Variants in IRF6 observed in about 807,000 individuals in gnomAD.
The protein encoded by IRF6 is Van der Woude syndrome.
IRF6 carries 6 observed loss-of-function variants against 51.4 expected under a neutral mutation model. The observed-to-expected ratio is 0.12, with a 90% confidence interval of 0.06 to 0.23. The LOEUF (loss-of-function observed/expected upper bound fraction) is 0.23. Ranked by LOEUF, IRF6 falls within the 10% of genes least tolerant of loss-of-function variation. The pLI is 1.00. For synonymous variants in IRF6, 178 were observed against 215.7 expected, an observed-to-expected ratio of 0.83 and a Z score of 1.53; for missense variants, 348 against 585.2, an observed-to-expected ratio of 0.59 and a Z score of 4.18.
Position 209,789,797 on chromosome 1 carries a change from G to A in IRF6, c.1061-12C>T, listed in dbSNP as rs2077858155. On this transcript the variant is annotated splice_polypyrimidine_tract_variant and intron_variant, in intron 7 of 8. Transcript: ENST00000367021. ...GTGGGCAATGAGATCTGCAGAAAGT[G>A]GAAGAGCAAGTTTGGTATACTGGGT... 1 of 1,584,862 alleles carries A rather than the reference G, an allele frequency of 6.3e-7. No individual in the cohort carries two copies. Among genetic ancestry groups the A allele is most frequent in the Middle Eastern group, 1.7e-4 (1 of 6,006 alleles).
In IRF6 at chr1:209,796,634, AACACACACACACACACACAC is replaced by A. The variant is rs3028134; in HGVS notation, c.175-102_175-83del. The A allele has an allele frequency of 1.7e-5, 10 of 586,772 alleles. No individual in the cohort carries two copies. The highest frequency in any genetic ancestry group is 1.3e-4 in the South Asian group (7 of 54,098). 36.3% of individuals were successfully genotyped at this position (586,772 alleles called of 1,614,324 possible). A position where few individuals can be genotyped will look rare whatever the true frequency, so the allele number is the denominator to read the frequency against. On this transcript the variant is annotated intron_variant, in intron 3 of 8. Coordinates refer to ENST00000367021, the MANE Select transcript of IRF6 (RefSeq NM_006147.4). The surrounding 1 kb of genome is among the most constrained non-coding windows in gnomAD (Gnocchi z 4.5). ...GTGCTTACCCTTTCTCATAGACACA[AACACACACACACACACACAC>A]ACACACACACACACACACACACAAC...
rs993784559 is a variant in IRF6 at position 209,794,913 on chromosome 1, C to A, written c.508+377G>T. 2.6e-5 allele frequency among the ~76,000 whole-genome samples: 4 copies of A among 152,154 alleles called. No individual in the cohort carries two copies. In the East Asian group the frequency reaches 7.7e-4, roughly 29 times the overall value. On this transcript the variant is annotated intron_variant, in intron 5 of 8. Transcript: ENST00000367021. ...GAAGGAAGTGACACAGAATTTATAC[C>A]AAGGGAAATATTAGAAGAGTTTGCC... is the stretch of plus-strand genomic sequence containing the variant.
intron 3 of IRF6, among the ~76,000 whole-genome samples, chr1:209,798,432 G>A (rs1355417218): frequency 6.6e-6 from 1 of 152,192 alleles, no homozygotes; most frequent in Non-Finnish European, 1.5e-5. Context: ...CTTTGGCAGA[G>A]CTCTGCACAT....
intron 6 of IRF6, among the ~76,000 whole-genome samples, chr1:209,791,782 G>A (rs766459137): frequency 1.3e-5 from 2 of 151,704 alleles, no homozygotes; most frequent in Non-Finnish European, 2.9e-5. Context: ...GTCAGCCAAT[G>A]TTTTTGTTGT....
chr1:209,805,540 C>T (rs1042298031), intron 1 of IRF6, among the ~76,000 whole-genome samples: 6 of 152,208 alleles, frequency 3.9e-5, no homozygotes, highest in Non-Finnish European at 8.8e-5. Flanking sequence ...TCCAGTTTCC[C>T]AAAACGCCCA....
chr1:209,801,156 G>A, intron 3 of IRF6, 84 bp downstream of exon 3: 1 of 1,181,324 alleles, frequency 8.5e-7, no homozygotes. Context: ...TTTCACCAGA[G>A]TTTTAGATCT....
In IRF6 at chr1:209,790,435, T is replaced by C; in HGVS notation, c.1060+60A>G. ...GCAGGAAGGTGAAAGACAGGGATAGTGGAAGGAATGTACTTCCAGAGAGTG... is the reference window on the plus strand; with the variant it reads ...GCAGGAAGGTGAAAGACAGGGATAGCGGAAGGAATGTACTTCCAGAGAGTG... On this transcript the variant is annotated intron_variant, in intron 7 of 8. Coordinates refer to ENST00000367021, the MANE Select transcript of IRF6 (RefSeq NM_006147.4). This position sits in a 1 kb window ranked among gnomAD's most constrained non-coding sequence, Gnocchi z 4.8. The C allele has an allele frequency of 1.3e-6, 2 of 1,570,298 alleles. No individual in the cohort carries two copies. Among genetic ancestry groups the C allele is most frequent in the African/African-American group, 1.3e-5 (1 of 74,118 alleles).
intron 5 of IRF6, 104 bp downstream of exon 5, chr1:209,795,186 T>C: frequency 1.5e-6 from 2 of 1,329,026 alleles, no homozygotes; most frequent in Non-Finnish European, 2.2e-6. Context: ...CTGCAGGGAC[T>C]GATCCTGCTT....
Position 209,796,263 on chromosome 1 carries a change from G to T in IRF6, c.379+85C>A. ...ATCCATCTTAAACTGTGTAAATCAG[G>T]CTGTTTTCAAGTTGACTATCTCTTA... is the stretch of plus-strand genomic sequence containing the variant. On this transcript the variant is annotated intron_variant, in intron 4 of 8. Transcript: ENST00000367021. The surrounding 1 kb of genome is among the most constrained non-coding windows in gnomAD (Gnocchi z 4.5). 8.9e-7 allele frequency: 1 copy of T among 1,118,452 alleles called. No homozygotes were observed. 69.3% of individuals were successfully genotyped at this position (1,118,452 alleles called of 1,614,324 possible). A position where few individuals can be genotyped will look rare whatever the true frequency, so the allele number is the denominator to read the frequency against.
In IRF6 at chr1:209,796,329, C is replaced by T. The variant is rs1008244397; in HGVS notation, c.379+19G>A. Reference sequence around the variant, plus strand: ...ATCTGGCATGCTGCCCACCTTCTCCCCAGCACCTGGGGCCTCACCTGGGTT... The same window carrying T: ...ATCTGGCATGCTGCCCACCTTCTCCTCAGCACCTGGGGCCTCACCTGGGTT... On this transcript the variant is annotated intron_variant, in intron 4 of 8. Coordinates refer to ENST00000367021, the MANE Select transcript of IRF6 (RefSeq NM_006147.4). The surrounding 1 kb of genome is among the most constrained non-coding windows in gnomAD (Gnocchi z 4.5). The T allele has an allele frequency of 3.7e-6, 6 of 1,611,074 alleles. No homozygotes were observed. In the African/African-American group the frequency reaches 6.7e-5, roughly 18 times the overall value.
Position 209,801,424 on chromosome 1 carries a change from G to T in IRF6, c.-3-8C>A, listed in dbSNP as rs542623015. ...GGGGTGGAGGGCCATGATCTGGGGG[G>T]GTCAGAGGGAGAAATGGGAAGAGCA... On this transcript the variant is annotated splice_region_variant and splice_polypyrimidine_tract_variant and intron_variant, in intron 2 of 8. Coordinates refer to ENST00000367021, the MANE Select transcript of IRF6 (RefSeq NM_006147.4). 9.6e-6 allele frequency: 15 copies of T among 1,564,754 alleles called. No homozygotes were observed. The East Asian group carries it at 3.2e-4, about 33-fold the overall frequency.
chr1:209,802,995 T>TA (rs2077952947), intron 1 of IRF6, among the ~76,000 whole-genome samples: 1 of 152,170 alleles, frequency 6.6e-6, no homozygotes, highest in Admixed American at 6.5e-5. Flanking sequence ...CTGACCCAAT[T>TA]ACCAAGTCCT....
At chr1:209,798,159 T>C (rs574357973) in intron 3 of IRF6, among the ~76,000 whole-genome samples, 221 of 131,170 alleles carry the variant, frequency 1.7e-3, no homozygotes, top group African/African-American at 5.6e-3. Context: ...CTCCATTTGA[T>C]TGTGGTATGG....
At chr1:209,793,696 GT>G (rs994298490) in intron 5 of IRF6, among the ~76,000 whole-genome samples, 8 of 152,090 alleles carry the variant, frequency 5.3e-5, no homozygotes, top group Non-Finnish European at 1.0e-4. Flanking sequence ...CCAATAGGTA[GT>G]TTTTTTATCC....
At chr1:209,797,855 C>A (rs571075469) in intron 3 of IRF6, among the ~76,000 whole-genome samples, 1 of 152,046 alleles carries the variant, frequency 6.6e-6, no homozygotes, top group African/African-American at 2.4e-5. Context: ...GTTCTGATGC[C>A]GAAAAAGTAG....
rs1012242455 is a variant in IRF6, at chr1:209,787,208, C to G, written c.*1212G>C. ...CTCCAGCCTGGGCAACAAAGCAAGA[C>G]TCTGTCTCAAAAAAGAAGAGAAAGC... On this transcript the variant is annotated 3_prime_UTR_variant, in exon 9 of 9. Transcript: ENST00000367021. 3.9e-5 allele frequency: 6 copies of G among 152,428 alleles called. No homozygotes were observed. The highest frequency in any genetic ancestry group is 1.4e-4 in the African/African-American group (6 of 41,466). The allele number at this position is 152,428 out of a possible 1,614,324, so 9.4% of individuals were successfully genotyped here.
In IRF6 at chr1:209,788,321, A is replaced by G. The variant is rs753058128; in HGVS notation, c.*99T>C. On this transcript the variant is annotated 3_prime_UTR_variant, in exon 9 of 9. Coordinates refer to ENST00000367021, the MANE Select transcript of IRF6 (RefSeq NM_006147.4). ...AGAATCACAAACTTCTAACACTGTT[A>G]GAGAAAAGAGAGATTTAAAAGCTGG... The G allele has an allele frequency of 1.8e-5, 14 of 787,284 alleles. No homozygotes were observed. In the South Asian group the frequency reaches 1.9e-4, roughly 11 times the overall value. 48.8% of individuals were successfully genotyped at this position (787,284 alleles called of 1,614,324 possible).
rs1384439078 is a variant in IRF6 at position 209,788,374 on chromosome 1, A to G, written c.*46T>C. On this transcript the variant is annotated 3_prime_UTR_variant, in exon 9 of 9. Transcript: ENST00000367021. ...AAATCTAAACAATAAAAAAATCCAT[A>G]TGTACAATATTATAAAAAAGAGAAG... 8.3e-7 allele frequency: 1 copy of G among 1,200,868 alleles called. No individual in the cohort carries two copies. The highest frequency in any genetic ancestry group is 1.2e-6 in the Non-Finnish European group (1 of 809,826). 74.4% of individuals were successfully genotyped at this position (1,200,868 alleles called of 1,614,324 possible).
At chr1:209,791,170 G>A (rs2077866800) in intron 6 of IRF6, 1 of 453,264 alleles carries the variant, frequency 2.2e-6, no homozygotes, top group South Asian at 9.5e-5. Flanking sequence ...TGGTCCTGGT[G>A]TCCCCACGCT....
Sources: gnomAD v4.1 joint callset for allele counts (sites outside exome capture counted in the v4.1 genomes callset) on GRCh38, gnomAD v4.1.1 for gene constraint, Gnocchi (gnomAD v3.1) non-coding constraint, MANE v1.5 for transcripts, NCBI Gene and HGNC (gene_info 2026-07-23, HGNC 2026-07-21) for gene names.